TBCA: variants seen among roughly 807,000 people sequenced by gnomAD.
The protein encoded by TBCA is tubulin folding cofactor A, also known as tubulin-specific chaperone A.
TBCA carries 6 observed loss-of-function variants against 15.8 expected under a neutral mutation model. That is an observed-to-expected ratio of 0.38 (90% CI 0.21 to 0.75). The LOEUF (loss-of-function observed/expected upper bound fraction) is 0.75. Ranked by LOEUF, TBCA falls within the 30% of genes least tolerant of loss-of-function variation. TBCA has a pLI of 0.46. For missense variants in TBCA, 90 were observed against 131.2 expected (o/e 0.69, Z 1.53); for synonymous variants, 32 against 42.3 (o/e 0.76, Z 0.94).
At chr5:77,776,092 G>A (rs1214724699) in intron 1 of TBCA, 113 bp downstream of exon 1, 3 of 1,357,240 alleles carry the variant, frequency 2.2e-6, no homozygotes, top group East Asian at 2.6e-5. Context: ...CCCGGGTGCG[G>A]CCTGGAGTTC....
chr5:77,719,463 TC>T (rs1472609771), intron 1 of TBCA, among the ~76,000 whole-genome samples: 3 of 152,170 alleles, frequency 2.0e-5, no homozygotes, highest in Non-Finnish European at 1.5e-5. Context: ...AGCAACATGT[TC>T]TCAATTTCTT....
At chr5:77,717,408 C>T (rs1268062076) in intron 1 of TBCA, among the ~76,000 whole-genome samples, 1 of 151,912 alleles carries the variant, frequency 6.6e-6, no homozygotes, top group Non-Finnish European at 1.5e-5. Context: ...TACAAATAAA[C>T]ATGAAGAAAG....
chr5:77,750,831 C>T (rs1747308068), intron 1 of TBCA, among the ~76,000 whole-genome samples: 2 of 152,134 alleles, frequency 1.3e-5, no homozygotes, highest in African/African-American at 4.8e-5. Flanking sequence ...CATTAGTCAA[C>T]ACATGTAAAA....
chr5:77,754,129 A>G (rs1353282205), intron 1 of TBCA, among the ~76,000 whole-genome samples: 2 of 152,076 alleles, frequency 1.3e-5, no homozygotes, highest in African/African-American at 4.8e-5. Context: ...GCATGTCTGG[A>G]CTCTATGGCT....
chr5:77,705,723 G>C lies in TBCA; in HGVS notation c.159+2519C>G, dbSNP rs1213697138. 7.6e-6 allele frequency: 3 copies of C among 395,566 alleles called. No individual in the cohort carries two copies. In the East Asian group the frequency reaches 1.1e-4, roughly 14 times the overall value. The allele number at this position is 395,566 out of a possible 1,614,324, so 24.5% of individuals were successfully genotyped here. ...CACATCTGTAGTCCCAGCTACTCTG[G>C]AGGCTGAGGTGGGAGGATCACTTGA... On this transcript the variant is annotated intron_variant, in intron 2 of 3. Coordinates refer to ENST00000380377, the MANE Select transcript of TBCA (RefSeq NM_004607.3).
intron 1 of TBCA, among the ~76,000 whole-genome samples, chr5:77,744,861 G>A (rs935494734): frequency 6.6e-6 from 1 of 151,984 alleles, no homozygotes; most frequent in East Asian, 1.9e-4. Flanking sequence ...TTCATCCACA[G>A]TTTCCTCTCA....
At chr5:77,722,836 A>G (rs1746554571) in intron 1 of TBCA, among the ~76,000 whole-genome samples, 1 of 151,870 alleles carries the variant, frequency 6.6e-6, no homozygotes, top group East Asian at 1.9e-4. Context: ...TTTATATAAA[A>G]TAAAATATAT....
intron 1 of TBCA, among the ~76,000 whole-genome samples, chr5:77,768,143 T>C (rs1418293616): frequency 6.6e-6 from 1 of 152,212 alleles, no homozygotes; most frequent in Non-Finnish European, 1.5e-5. Flanking sequence ...AATAAATTTC[T>C]CTTATTTATA....
chr5:77,772,251 A>G (rs1350717729), intron 1 of TBCA, among the ~76,000 whole-genome samples: 4 of 152,120 alleles, frequency 2.6e-5, no homozygotes, highest in African/African-American at 9.7e-5. Flanking sequence ...GAAAAATATA[A>G]TGAAGCCCCA....
chr5:77,750,396 C>G (rs1384999137), intron 1 of TBCA, among the ~76,000 whole-genome samples: 1 of 151,970 alleles, frequency 6.6e-6, no homozygotes, highest in Non-Finnish European at 1.5e-5. Flanking sequence ...TGTGCCAGGG[C>G]TCTGGGGATG....
At chr5:77,705,562 T>C in intron 2 of TBCA, 4 of 398,622 alleles carry the variant, frequency 1.0e-5, no homozygotes, top group Non-Finnish European at 1.8e-5. Flanking sequence ...TAGGGGGGAC[T>C]CACGCTTATC....
intron 2 of TBCA, 30 bp downstream of exon 2, chr5:77,708,212 T>C: frequency 6.9e-7 from 1 of 1,446,160 alleles, no homozygotes; most frequent in African/African-American, 1.4e-5. Flanking sequence ...CTGTAAATGT[T>C]AGCTATTGTT....
intron 2 of TBCA, among the ~76,000 whole-genome samples, chr5:77,695,637 AC>A (rs1745855860): frequency 1.3e-5 from 2 of 152,196 alleles, no homozygotes; most frequent in Admixed American, 1.3e-4. Flanking sequence ...ATGTAAAGAT[AC>A]CCCCCAAAAC....
At chr5:77,770,609 G>A (rs1747882898) in intron 1 of TBCA, among the ~76,000 whole-genome samples, 1 of 151,856 alleles carries the variant, frequency 6.6e-6, no homozygotes. Flanking sequence ...CAACAGTTCT[G>A]TGCTGGGGGA....
At chr5:77,726,515 C>T (rs1277755416) in intron 1 of TBCA, among the ~76,000 whole-genome samples, 1 of 152,074 alleles carries the variant, frequency 6.6e-6, no homozygotes, top group East Asian at 1.9e-4. Context: ...ACCTTAAACA[C>T]CCCAAACTGA....
intron 1 of TBCA, among the ~76,000 whole-genome samples, chr5:77,719,419 C>T (rs1469041020): frequency 2.0e-5 from 3 of 152,152 alleles, no homozygotes; most frequent in Non-Finnish European, 4.4e-5. Context: ...CACCTACACA[C>T]CCTGACCCCA....
chr5:77,729,984 A>G (rs643865), intron 1 of TBCA, among the ~76,000 whole-genome samples: 146,916 of 152,310 alleles, frequency 0.96, 71,152 homozygotes, highest in Non-Finnish European at 0.99. Flanking sequence ...ATACTTTAAT[A>G]TATTCCTAAG....
chr5:77,746,693 G>A (rs1157848250), intron 1 of TBCA, among the ~76,000 whole-genome samples: 2 of 151,938 alleles, frequency 1.3e-5, no homozygotes, highest in African/African-American at 4.8e-5. Flanking sequence ...CTTTGTGCAC[G>A]TATCATTCAT....
intron 1 of TBCA, among the ~76,000 whole-genome samples, chr5:77,772,381 C>T (rs1008015524): frequency 9.9e-5 from 15 of 152,040 alleles, no homozygotes; most frequent in Admixed American, 2.0e-4. Context: ...ACCTAGATGA[C>T]GGGTCGACAG....
Sources: allele counts gnomAD v4.1 joint callset (sites outside exome capture counted in the v4.1 genomes callset), GRCh38; gene constraint gnomAD v4.1.1; transcripts MANE v1.5; gene names NCBI Gene and HGNC (gene_info 2026-07-23, HGNC 2026-07-21).